Variants in PTPRN2 observed in about 807,000 individuals in gnomAD.
The protein encoded by PTPRN2 is protein tyrosine phosphatase receptor type N2.
In PTPRN2, 74 loss-of-function variants were observed where a neutral mutation model predicts 118.8. That is an observed-to-expected ratio of 0.62 (90% CI 0.52 to 0.76). The LOEUF is 0.76. Among genes scored for constraint, PTPRN2 ranks in the 30% least tolerant of loss-of-function variants. PTPRN2 has a pLI of 0.00. For synonymous variants in PTPRN2, 641 were observed against 608.0 expected (o/e 1.05, Z -0.80); for missense variants, 1,481 against 1,394.4 (o/e 1.06, Z -0.99).
intron 6 of PTPRN2, among the ~76,000 whole-genome samples, chr7:158,155,626 C>A (rs1346191377): frequency 8.0e-4 from 121 of 151,590 alleles, no homozygotes; most frequent in South Asian, 2.3e-3. Context: ...ACACTATCAT[C>A]ACCATCATCA....
intron 12 of PTPRN2, among the ~76,000 whole-genome samples, chr7:157,792,534 G>A (rs1030089108): frequency 2.6e-5 from 4 of 152,230 alleles, no homozygotes; most frequent in Non-Finnish European, 5.9e-5. Flanking sequence ...ACATGGCACG[G>A]CTCCTGCACG....
intron 12 of PTPRN2, among the ~76,000 whole-genome samples, chr7:157,759,857 C>T (rs947316802): frequency 6.6e-6 from 1 of 152,220 alleles, no homozygotes; most frequent in Non-Finnish European, 1.5e-5. Flanking sequence ...CAGCCCCTGC[C>T]CCTCTCTTGG....
intron 21 of PTPRN2, among the ~76,000 whole-genome samples, chr7:157,566,694 A>T (rs944871308): frequency 6.6e-6 from 1 of 152,274 alleles, no homozygotes; most frequent in Non-Finnish European, 1.5e-5. Flanking sequence ...TTGACATCAC[A>T]TGCCACAATG....
chr7:158,207,613 A>C (rs190600371), intron 3 of PTPRN2, among the ~76,000 whole-genome samples: 4 of 152,342 alleles, frequency 2.6e-5, no homozygotes, highest in Admixed American at 6.5e-5. Context: ...AGAAAAAAAC[A>C]ACCCCATCAA....
intron 21 of PTPRN2, among the ~76,000 whole-genome samples, chr7:157,559,210 C>A (rs1799056602): frequency 6.6e-6 from 1 of 152,242 alleles, no homozygotes; most frequent in African/African-American, 2.4e-5. Flanking sequence ...TGCCAAAAGG[C>A]CAGGCTGCAT....
At chr7:157,848,544 C>T (rs1040159757) in intron 12 of PTPRN2, among the ~76,000 whole-genome samples, 4 of 152,256 alleles carry the variant, frequency 2.6e-5, no homozygotes, top group Non-Finnish European at 5.9e-5. Flanking sequence ...TCTCTCATTC[C>T]GTTTGATTTG....
Position 158,492,328 on chromosome 7 carries a change from C to G in PTPRN2, c.113-2543G>C, listed in dbSNP as rs116900251. 5.3e-4 allele frequency among the ~76,000 whole-genome samples: 80 copies of G among 152,338 alleles called. No individual in the cohort carries two copies. The East Asian group carries it at 9.4e-3, about 18-fold the overall frequency. On this transcript the variant is annotated intron_variant, in intron 1 of 22. Coordinates refer to ENST00000389418, the MANE Select transcript of PTPRN2 (RefSeq NM_002847.5). The stretch of plus-strand genomic sequence containing the variant: ...GGCAGATGCAGGGATGCTGCAGACA[C>G]AGCTCACGTTCTAACTCCATGTTTG...
chr7:157,955,013 G>A (rs1174311300), intron 11 of PTPRN2, among the ~76,000 whole-genome samples: 3 of 152,192 alleles, frequency 2.0e-5, no homozygotes, highest in African/African-American at 7.2e-5. Context: ...TCTGGGTAGT[G>A]TGGGAGTGAA....
At chr7:157,545,348 G>C (rs775131099) in intron 22 of PTPRN2, among the ~76,000 whole-genome samples, 1 of 150,130 alleles carries the variant, frequency 6.7e-6, no homozygotes, top group Non-Finnish European at 1.5e-5. Context: ...GGTGTGCCTG[G>C]GTGTGTGCAT....
chr7:158,278,026 GAC>G (rs1799147327), intron 3 of PTPRN2, among the ~76,000 whole-genome samples: 1 of 152,196 alleles, frequency 6.6e-6, no homozygotes, highest in African/African-American at 2.4e-5. Flanking sequence ...GTCCTTGTCT[GAC>G]ACACCCAGAG....
rs1407242437 is a variant in PTPRN2 at position 158,015,778 on chromosome 7, G to A, written c.1723+65520C>T. 6.6e-6 allele frequency among the ~76,000 whole-genome samples: 1 copy of A among 152,136 alleles called. No individual in the cohort carries two copies. The highest frequency in any genetic ancestry group is 2.4e-5 in the African/African-American group (1 of 41,406). On this transcript the variant is annotated intron_variant, in intron 11 of 22. Coordinates refer to ENST00000389418, the MANE Select transcript of PTPRN2 (RefSeq NM_002847.5). The surrounding 1 kb of genome is among the most constrained non-coding windows in gnomAD (Gnocchi z 4.2). ...GTCTGTCTATTACAATTGTCTAATG[G>A]TCCCAGGTCCAACACTAAGGGAAAC... is the stretch of plus-strand genomic sequence containing the variant.
At chr7:158,560,897 G>A (rs1240100773) in intron 1 of PTPRN2, among the ~76,000 whole-genome samples, 4 of 152,224 alleles carry the variant, frequency 2.6e-5, no homozygotes, top group African/African-American at 7.2e-5. Flanking sequence ...GCCTTGCATC[G>A]AAGAGAAATC....
intron 5 of PTPRN2, among the ~76,000 whole-genome samples, chr7:158,192,032 C>G (rs1464632066): frequency 2.0e-5 from 3 of 152,168 alleles, no homozygotes; most frequent in Non-Finnish European, 4.4e-5. Flanking sequence ...CCTCTACCTC[C>G]CTGGTGTGCA....
At chr7:157,849,472 C>T (rs1017030574) in intron 12 of PTPRN2, among the ~76,000 whole-genome samples, 3 of 152,326 alleles carry the variant, frequency 2.0e-5, no homozygotes. Flanking sequence ...TTGTACCCTT[C>T]CCGAGATGCT....
At chr7:158,523,327 A>G (rs1824360056) in intron 1 of PTPRN2, among the ~76,000 whole-genome samples, 1 of 142,560 alleles carries the variant, frequency 7.0e-6, no homozygotes, top group South Asian at 2.3e-4. Context: ...AGCAGCCACC[A>G]TGCTGCCGAC....
chr7:157,999,873 CTTTT>C (rs975846065), intron 11 of PTPRN2, among the ~76,000 whole-genome samples: 4 of 148,330 alleles, frequency 2.7e-5, no homozygotes, highest in Admixed American at 2.7e-4. Context: ...TTTATTTTTA[CTTTT>C]TTTTTTTATT....
intron 12 of PTPRN2, among the ~76,000 whole-genome samples, chr7:157,809,236 G>A (rs1275497100): frequency 6.6e-6 from 1 of 151,916 alleles, no homozygotes; most frequent in African/African-American, 2.4e-5. Context: ...TGGCCCTGGA[G>A]GGGGCTCAGC....
In PTPRN2 at chr7:158,237,717, C is replaced by T. The variant is rs1295833120; in HGVS notation, c.278-32444G>A. Reference sequence around the variant, plus strand: ...TTTCCAAATCTCTCGTCCCACCTTACGAGAAACACCCACAGGTGTGTAGGG... The same window carrying T: ...TTTCCAAATCTCTCGTCCCACCTTATGAGAAACACCCACAGGTGTGTAGGG... On this transcript the variant is annotated intron_variant, in intron 3 of 22. Coordinates refer to ENST00000389418, the MANE Select transcript of PTPRN2 (RefSeq NM_002847.5). 2.8e-4 allele frequency among the ~76,000 whole-genome samples: 41 copies of T among 145,496 alleles called. 18 individuals carry two copies. The highest frequency in any genetic ancestry group is 2.5e-3 in the Admixed American group (37 of 14,552).
intron 11 of PTPRN2, among the ~76,000 whole-genome samples, chr7:158,035,364 C>G (rs1184654200): frequency 6.6e-6 from 1 of 152,186 alleles, no homozygotes; most frequent in Non-Finnish European, 1.5e-5. Flanking sequence ...AATTTTGAAG[C>G]ATTAGTAAAC....
Sources: gnomAD v4.1 joint callset for allele counts (sites outside exome capture counted in the v4.1 genomes callset) on GRCh38, gnomAD v4.1.1 for gene constraint, Gnocchi (gnomAD v3.1) non-coding constraint, MANE v1.5 for transcripts, NCBI Gene and HGNC (gene_info 2026-07-23, HGNC 2026-07-21) for gene names.